The following RHOT1 variants were observed in gnomAD, a reference collection of about 807,000 sequenced individuals.
RHOT1 encodes the protein mitochondrial Rho GTPase 1.
In RHOT1, 27 loss-of-function variants were observed where a neutral mutation model predicts 95.3. That is an observed-to-expected ratio of 0.28 (90% CI 0.21 to 0.39). The LOEUF (loss-of-function observed/expected upper bound fraction) is 0.39, where lower values mean the gene tolerates loss of function less well. Among genes scored for constraint, RHOT1 ranks in the 10% least tolerant of loss-of-function variants. RHOT1 has a pLI of 1.00. For synonymous variants in RHOT1, 227 were observed against 263.5 expected (o/e 0.86, Z 1.34); for missense variants, 578 against 786.7 (o/e 0.73, Z 3.17).
intron 1 of RHOT1, chr17:32,150,719 A>G: frequency 6.2e-7 from 1 of 1,604,072 alleles, no homozygotes; most frequent in Non-Finnish European, 8.5e-7. Context: ...TCAGAGTACA[A>G]AGCAGGAACT....
intron 1 of RHOT1, among the ~76,000 whole-genome samples, chr17:32,144,883 C>A (rs2031069372): frequency 6.6e-6 from 1 of 151,814 alleles, no homozygotes; most frequent in African/African-American, 2.4e-5. Context: ...GTCCTAGCTA[C>A]TGGGGAGGCT....
At chr17:32,183,352 A>AT (rs1390077768) in intron 8 of RHOT1, 80 bp downstream of exon 8, 1 of 733,870 alleles carries the variant, frequency 1.4e-6, no homozygotes, top group African/African-American at 1.8e-5. Context: ...ACTCTTAAGT[A>AT]TTTGTGTAGA....
intron 2 of RHOT1, 39 bp downstream of exon 2, chr17:32,171,140 T>G (rs1364670401): frequency 2.2e-6 from 3 of 1,354,370 alleles, no homozygotes; most frequent in East Asian, 2.5e-5. Flanking sequence ...TTTAAAAAAT[T>G]TATCAAAATC....
intron 13 of RHOT1, among the ~76,000 whole-genome samples, chr17:32,200,659 A>C (rs2037245661): frequency 1.3e-5 from 2 of 152,144 alleles, no homozygotes; most frequent in Admixed American, 1.3e-4. Flanking sequence ...CTGTAGTCCC[A>C]GATACTTGGG....
chr17:32,143,241 T>C (rs1016251813), intron 1 of RHOT1: 1 of 376,982 alleles, frequency 2.7e-6, no homozygotes, highest in Non-Finnish European at 5.3e-6. Flanking sequence ...ATTCGACTTG[T>C]GGGCAAGGTC....
chr17:32,180,257 C>A (rs1013623460), intron 6 of RHOT1, among the ~76,000 whole-genome samples: 2 of 151,988 alleles, frequency 1.3e-5, no homozygotes, highest in East Asian at 3.9e-4. Flanking sequence ...CAGATTGTTA[C>A]TGTGTCTGTG....
intron 1 of RHOT1, among the ~76,000 whole-genome samples, chr17:32,169,760 CT>C (rs1290610099): frequency 6.6e-6 from 1 of 152,162 alleles, no homozygotes; most frequent in African/African-American, 2.4e-5. Flanking sequence ...AATCCCAGCA[CT>C]TTGCGAAGCT....
chr17:32,142,635 G>T lies in RHOT1; in HGVS notation c.-58G>T. ...GTGGCGCCGTGGGGTGGGTGCTCCT[G>T]GTGAGAGGAGTCCACTCCGTGCGTG... On this transcript the variant is annotated 5_prime_UTR_variant, in exon 1 of 20. Coordinates refer to ENST00000545287, the MANE Select transcript of RHOT1 (RefSeq NM_001033566.3). 2 of 1,458,950 alleles carry T rather than the reference G, an allele frequency of 1.4e-6. No homozygotes were observed. The highest frequency in any genetic ancestry group is 5.3e-5 in the East Asian group (2 of 37,578). 90.4% of individuals were successfully genotyped at this position (1,458,950 alleles called of 1,614,324 possible). A position where few individuals can be genotyped will look rare whatever the true frequency, so the allele number is the denominator to read the frequency against.
chr17:32,171,161 G>A (rs1212507088), intron 2 of RHOT1, 60 bp downstream of exon 2: 9 of 1,151,276 alleles, frequency 7.8e-6, no homozygotes, highest in Middle Eastern at 2.7e-4. Context: ...AAATTAAAAT[G>A]AACTGAATTC....
chr17:32,198,401 C>G (rs1360386083), intron 11 of RHOT1, among the ~76,000 whole-genome samples: 2 of 152,052 alleles, frequency 1.3e-5, no homozygotes, highest in Non-Finnish European at 2.9e-5. Flanking sequence ...TTATATTAAC[C>G]TGCTTTTCTG....
At chr17:32,196,919 C>G (rs569891134) in intron 11 of RHOT1, among the ~76,000 whole-genome samples, 1 of 151,886 alleles carries the variant, frequency 6.6e-6, no homozygotes, top group Non-Finnish European at 1.5e-5. Flanking sequence ...GTCAGGAGTT[C>G]GAGACCAGCC....
At position 32,225,701 on chromosome 17, in the gene RHOT1, T is replaced by C. The variant is rs953655431; in HGVS notation, c.*968T>C. 4 of 152,198 alleles carry C rather than the reference T, an allele frequency of 2.6e-5. No homozygotes were observed. The highest frequency in any genetic ancestry group is 9.6e-5 in the African/African-American group (4 of 41,466). 9.4% of individuals were successfully genotyped at this position (152,198 alleles called of 1,614,324 possible). A position where few individuals can be genotyped will look rare whatever the true frequency, so the allele number is the denominator to read the frequency against. The stretch of plus-strand genomic sequence containing the variant: ...TCCATCATCAGCCTTTTCAAGTATT[T>C]AAATAAATAACTGCTGTGTACTGTG... On this transcript the variant is annotated 3_prime_UTR_variant, in exon 20 of 20. Transcript: ENST00000545287.
chr17:32,148,217 A>T (rs1454612287), intron 1 of RHOT1, among the ~76,000 whole-genome samples: 2 of 151,758 alleles, frequency 1.3e-5, no homozygotes, highest in African/African-American at 2.4e-5. Flanking sequence ...GTGAGCCGAA[A>T]TCATGCCACT....
intron 8 of RHOT1, among the ~76,000 whole-genome samples, chr17:32,185,709 CTTTTTTT>C (rs57965854): frequency 1.6e-5 from 2 of 126,730 alleles, no homozygotes; most frequent in African/African-American, 3.0e-5. Flanking sequence ...TGCCCGGCCT[CTTTTTTT>C]TTTTTTTTTT....
At chr17:32,150,577 G>T in intron 1 of RHOT1, 1 of 1,584,044 alleles carries the variant, frequency 6.3e-7, no homozygotes, top group Non-Finnish European at 8.7e-7. Context: ...GGTGCTGAGA[G>T]AGGAACCCTG....
rs1236236271 is a variant in RHOT1, at chr17:32,143,114, C to T, written c.37+385C>T. ...TTTCCCAGGCCGCCTCCTTTCAGACCTTCTTGTCTTCTGGAGATTCCCTTA... is the reference window on the plus strand; with the variant it reads ...TTTCCCAGGCCGCCTCCTTTCAGACTTTCTTGTCTTCTGGAGATTCCCTTA... On this transcript the variant is annotated intron_variant, in intron 1 of 19. Transcript: ENST00000545287. 1.8e-5 allele frequency: 10 copies of T among 565,544 alleles called. No homozygotes were observed. The East Asian group carries it at 3.9e-4, about 22-fold the overall frequency. The allele number at this position is 565,544 out of a possible 1,614,324, so 35.0% of individuals were successfully genotyped here. A position where few individuals can be genotyped will look rare whatever the true frequency, so the allele number is the denominator to read the frequency against.
intron 1 of RHOT1, 77 bp from the exon 2 acceptor site, chr17:32,170,966 C>G (rs1015467631): frequency 1.2e-6 from 1 of 862,538 alleles, no homozygotes; most frequent in Non-Finnish European, 1.9e-6. Flanking sequence ...GAGTAACAGA[C>G]TGCCTTATGT....
In RHOT1 at chr17:32,187,093, C is replaced by T. The variant is rs796658429; in HGVS notation, c.540+3821C>T. ...CTTGAAGCCAGGAGTTCGAGACCAG[C>T]GTGGCCAACGTGGCAAAACCCTGTC... On this transcript the variant is annotated intron_variant, in intron 8 of 19. Coordinates refer to ENST00000545287, the MANE Select transcript of RHOT1 (RefSeq NM_001033566.3). Among the ~76,000 whole-genome samples the T allele has an allele frequency of 8.6e-5, 13 of 151,882 alleles. 1 individual carries two copies. The highest frequency in any genetic ancestry group is 2.4e-4 in the African/African-American group (10 of 41,436).
intron 19 of RHOT1, among the ~76,000 whole-genome samples, chr17:32,217,367 A>AT: frequency 6.6e-6 from 1 of 152,354 alleles, no homozygotes; most frequent in African/African-American, 2.4e-5. Flanking sequence ...CCTAATAAAT[A>AT]TCCTATTAAA....
Sources: allele counts gnomAD v4.1 joint callset (sites outside exome capture counted in the v4.1 genomes callset), GRCh38; gene constraint gnomAD v4.1.1; transcripts MANE v1.5; gene names NCBI Gene and HGNC (gene_info 2026-07-23, HGNC 2026-07-21).